Variants in KCNG1 observed in about 807,000 individuals in gnomAD.
KCNG1 encodes the protein potassium voltage-gated channel modifier subfamily G member 1, also known as voltage-gated potassium channel regulatory subunit KCNG1.
In KCNG1, 17 loss-of-function variants were observed where a neutral mutation model predicts 32.4. The observed-to-expected ratio is 0.52, with a 90% confidence interval of 0.36 to 0.79. The LOEUF (loss-of-function observed/expected upper bound fraction) is 0.79, where lower values mean the gene tolerates loss of function less well. KCNG1 is among the 30% of genes least tolerant of loss of function. The pLI, the probability that KCNG1 is intolerant of heterozygous loss-of-function variation, is 0.00. For missense variants in KCNG1, 441 were observed against 735.2 expected (o/e 0.60, Z 4.63); for synonymous variants, 358 against 339.9 (o/e 1.05, Z -0.59).
chr20:51,007,749 C>G (rs1321471856), intron 2 of KCNG1, among the ~76,000 whole-genome samples: 1 of 151,966 alleles, frequency 6.6e-6, no homozygotes, highest in Non-Finnish European at 1.5e-5. Context: ...TACTCCAGTA[C>G]AGTGTAATCT....
intron 2 of KCNG1, among the ~76,000 whole-genome samples, chr20:51,009,052 C>T (rs1987951504): frequency 1.3e-5 from 2 of 152,092 alleles, no homozygotes; most frequent in Admixed American, 1.3e-4. Context: ...TCTTATGTAA[C>T]AAAAAGAAAT....
chr20:51,021,342 G>T (rs543135084), intron 1 of KCNG1, among the ~76,000 whole-genome samples: 57 of 152,290 alleles, frequency 3.7e-4, no homozygotes, highest in African/African-American at 1.3e-3. Context: ...CAAAAGCCGG[G>T]GGAGGCACAA....
At chr20:51,009,167 A>G (rs1455506808) in intron 2 of KCNG1, among the ~76,000 whole-genome samples, 2 of 152,222 alleles carry the variant, frequency 1.3e-5, no homozygotes, top group African/African-American at 4.8e-5. Context: ...AACGTTGAGA[A>G]AGGACCGAAT....
chr20:51,019,521 ATAAT>A (rs1988396059), intron 1 of KCNG1, among the ~76,000 whole-genome samples: 4 of 152,052 alleles, frequency 2.6e-5, no homozygotes, highest in Non-Finnish European at 4.4e-5. Context: ...AAAAATAATA[ATAAT>A]AATAATAATA....
At chr20:51,021,232 G>A (rs539879653) in intron 1 of KCNG1, among the ~76,000 whole-genome samples, 3 of 152,322 alleles carry the variant, frequency 2.0e-5, no homozygotes, top group Non-Finnish European at 4.4e-5. Context: ...GGCTGGCTTC[G>A]AGAATGACTG....
chr20:51,011,889 C>A (rs570516782), intron 1 of KCNG1, among the ~76,000 whole-genome samples: 1 of 152,214 alleles, frequency 6.6e-6, no homozygotes, highest in Non-Finnish European at 1.5e-5. Context: ...CTCCGCGCCG[C>A]GGGTTCAAGC....
chr20:51,020,389 C>T lies in KCNG1; in HGVS notation c.-27+2481G>A, dbSNP rs890455758. Among the ~76,000 whole-genome samples the T allele has an allele frequency of 3.3e-5, 5 of 152,134 alleles. No homozygotes were observed. In the South Asian group the frequency reaches 6.2e-4, roughly 19 times the overall value. ...GAGGGAGAGCATGATCGGACCTGCC[C>T]GGGGAGGTGTGGGTATGAGAGTGAA... On this transcript the variant is annotated intron_variant, in intron 1 of 2. Transcript: ENST00000371571.
chr20:51,011,366 G>C (rs1256238339), intron 1 of KCNG1, among the ~76,000 whole-genome samples: 1 of 151,264 alleles, frequency 6.6e-6, no homozygotes, highest in Non-Finnish European at 1.5e-5. Context: ...TATTTGGCTT[G>C]GAAAAACAAT....
chr20:51,013,335 C>T (rs548776563), intron 1 of KCNG1, among the ~76,000 whole-genome samples: 15 of 151,936 alleles, frequency 9.9e-5, no homozygotes, highest in Non-Finnish European at 1.9e-4. Context: ...AACAAAATCA[C>T]CAGCCCTCTC....
At chr20:51,012,397 T>A (rs1403851682) in intron 1 of KCNG1, 2 of 152,286 alleles carry the variant, frequency 1.3e-5, no homozygotes, top group African/African-American at 4.8e-5. Flanking sequence ...GCCTGGCTCC[T>A]TCATTAGGCA....
chr20:51,018,976 G>A (rs1312864960), intron 1 of KCNG1, among the ~76,000 whole-genome samples: 1 of 152,180 alleles, frequency 6.6e-6, no homozygotes, highest in Non-Finnish European at 1.5e-5. Context: ...AGGATGGGGA[G>A]AAGCAGGCAA....
At position 51,010,248 on chromosome 20, in the gene KCNG1, G is replaced by C. The variant is rs1988025334; in HGVS notation, c.91C>G (p.Gln31Glu). 1 of 1,539,690 alleles carries C rather than the reference G, an allele frequency of 6.5e-7. No homozygotes were observed. The highest frequency in any genetic ancestry group is 1.4e-5 in the African/African-American group (1 of 73,042). Residue 31 changes from glutamine (Q) to glutamate (E), a missense_variant, in exon 2 of 3, where the codon CAG (glutamine) becomes GAG (glutamate). Gln to Glu is a conservative substitution (Grantham distance 29). Coordinates refer to ENST00000371571, the MANE Select transcript of KCNG1 (RefSeq NM_002237.4). ...AACGCGCCCTTGATGGCCTGGCGCT[G>C]CGGGAGGAAGGCCGGGTGGAAGGAG... The part of the protein sequence containing the change: ...DASFHPAFLP[Q>E]RQAIKGAFYR...
In KCNG1 at chr20:51,015,094, GACA is replaced by G. The variant is rs931629698; in HGVS notation, c.-26-4733_-26-4731del. Among the ~76,000 whole-genome samples the G allele has an allele frequency of 2.6e-5, 4 of 152,148 alleles. No individual in the cohort carries two copies. The highest frequency in any genetic ancestry group is 7.2e-5 in the African/African-American group (3 of 41,432). On this transcript the variant is annotated intron_variant, in intron 1 of 2. Coordinates refer to ENST00000371571, the MANE Select transcript of KCNG1 (RefSeq NM_002237.4). This position sits in a 1 kb window ranked among gnomAD's most constrained non-coding sequence, Gnocchi z 4.4. ...TCCATGTGTGCCTGCCAGGTCAGTG[GACA>G]ACGAGTGGGCTGGGGAGCCCAGGCT...
intron 1 of KCNG1, among the ~76,000 whole-genome samples, chr20:51,021,431 G>A (rs1988479570): frequency 6.6e-6 from 1 of 152,190 alleles, no homozygotes; most frequent in Non-Finnish European, 1.5e-5. Context: ...CGACCGCAAG[G>A]CCCCAATCAG....
intron 1 of KCNG1, among the ~76,000 whole-genome samples, chr20:51,014,814 TGAA>T (rs1409018384): frequency 1.3e-5 from 2 of 151,686 alleles, no homozygotes; most frequent in Non-Finnish European, 2.9e-5. Context: ...GCTGGAGGGG[TGAA>T]GGAGGGCTTC....
chr20:51,010,351 C>T lies in KCNG1; in HGVS notation c.-13G>A, dbSNP rs752464259. ...GTAAGAGGGTCATTTTGGGCCTTCA[C>T]ATCCCTCTCGGGCCTGTGGGGAGAA... On this transcript the variant is annotated 5_prime_UTR_variant, in exon 2 of 3. The change creates a new upstream start codon in the 5' untranslated region. Transcript: ENST00000371571. 1.3e-6 allele frequency: 2 copies of T among 1,502,416 alleles called. No individual in the cohort carries two copies. Among genetic ancestry groups the T allele is most frequent in the South Asian group, 2.7e-5 (2 of 75,046 alleles). The allele number at this position is 1,502,416 out of a possible 1,614,324, so 93.1% of individuals were successfully genotyped here. A position where few individuals can be genotyped will look rare whatever the true frequency, so the allele number is the denominator to read the frequency against.
At chr20:51,009,234 A>C (rs891104341) in intron 2 of KCNG1, among the ~76,000 whole-genome samples, 1 of 152,178 alleles carries the variant, frequency 6.6e-6, no homozygotes, top group Non-Finnish European at 1.5e-5. Flanking sequence ...CAGGCACGTC[A>C]AAAATCACAC....
Position 51,010,262 on chromosome 20 carries a change from G to A in KCNG1, c.77C>T (p.Pro26Leu), listed in dbSNP as rs772208137. The A allele has an allele frequency of 3.3e-6, 5 of 1,531,302 alleles. No individual in the cohort carries two copies. The African/African-American group carries it at 5.5e-5, about 17-fold the overall frequency. 94.9% of individuals were successfully genotyped at this position (1,531,302 alleles called of 1,614,324 possible). ...GGCCTGGCGCTGCGGGAGGAAGGCC[G>A]GGTGGAAGGAGGCGTCCGAGGTGCA... ...LSCTSDASFHPAFLPQRQAIK... is the reference protein window; with the variant it reads ...LSCTSDASFHLAFLPQRQAIK... The change falls in exon 2 of 3, where the codon CCG becomes CTG. Residue 26 changes from proline (P) to leucine (L), a missense_variant. Around this residue, in one of 6 missense-constraint regions of KCNG1, gnomAD observed 85 missense variants for 98.2 expected, o/e 0.87. Coordinates refer to ENST00000371571, the MANE Select transcript of KCNG1 (RefSeq NM_002237.4).
chr20:51,004,961 G>A lies in KCNG1; in HGVS notation c.775-155C>T, dbSNP rs938730345. On this transcript the variant is annotated intron_variant, in intron 2 of 2. Transcript: ENST00000371571. The surrounding 1 kb of genome is among the most constrained non-coding windows in gnomAD (Gnocchi z 4.3). ...TCCTCTCCCTAGTTGTGCCCACTCCGAGGCCTGGGGCACTAAGCACCATCT... is the reference window on the plus strand; with the variant it reads ...TCCTCTCCCTAGTTGTGCCCACTCCAAGGCCTGGGGCACTAAGCACCATCT... The A allele has an allele frequency of 4.5e-6, 3 of 660,450 alleles. No homozygotes were observed. The highest frequency in any genetic ancestry group is 7.3e-6 in the Non-Finnish European group (3 of 408,284). 40.9% of individuals were successfully genotyped at this position (660,450 alleles called of 1,614,324 possible).
Sources: gnomAD v4.1 joint callset for allele counts (sites outside exome capture counted in the v4.1 genomes callset) on GRCh38, gnomAD v4.1.1 for gene constraint, gnomAD v4.1.1 regional missense constraint, Gnocchi (gnomAD v3.1) non-coding constraint, MANE v1.5 for transcripts, NCBI Gene and HGNC (gene_info 2026-07-23, HGNC 2026-07-21) for gene names.